PTPRN2: variants seen among roughly 807,000 people sequenced by gnomAD.
PTPRN2 encodes receptor-type tyrosine-protein phosphatase N2.
A neutral mutation model predicts 118.8 loss-of-function variants in PTPRN2; 74 were observed. That is an observed-to-expected ratio of 0.62 (90% confidence interval 0.52 to 0.76). The LOEUF (loss-of-function observed/expected upper bound fraction) is 0.76. PTPRN2 is among the 30% of genes least tolerant of loss of function. The pLI, the probability that PTPRN2 is intolerant of heterozygous loss-of-function variation, is 0.00. For missense variants in PTPRN2, 1,481 were observed against 1,394.4 expected (o/e 1.06, Z -0.99); for synonymous variants, 641 against 608.0 (o/e 1.05, Z -0.80).
chr7:158,070,342 C>G (rs114502842), intron 11 of PTPRN2, among the ~76,000 whole-genome samples: 7 of 123,852 alleles, frequency 5.7e-5, no homozygotes, highest in African/African-American at 2.1e-4. Context: ...TGGAGGTGCC[C>G]GTGGTGGTGG....
At chr7:158,193,176 G>A in intron 4 of PTPRN2, among the ~76,000 whole-genome samples, 1 of 152,230 alleles carries the variant, frequency 6.6e-6, no homozygotes, top group Non-Finnish European at 1.5e-5. Context: ...GCAGACACAT[G>A]TGGTGCCCAC....
chr7:158,374,677 A>G (rs1810365433), intron 2 of PTPRN2, among the ~76,000 whole-genome samples: 1 of 152,210 alleles, frequency 6.6e-6, no homozygotes, highest in African/African-American at 2.4e-5. Context: ...GCAAGTGGAC[A>G]GATGGAGGCT....
At chr7:157,577,677 G>T (rs1800129754) in intron 18 of PTPRN2, among the ~76,000 whole-genome samples, 1 of 152,192 alleles carries the variant, frequency 6.6e-6, no homozygotes, top group South Asian at 2.1e-4. Context: ...TGAGGCGAAT[G>T]TTTTTTCTAC....
chr7:157,801,330 G>T lies in PTPRN2; in HGVS notation c.1788+97343C>A, dbSNP rs1805286968. Among the ~76,000 whole-genome samples, 1 of 152,176 alleles carries T rather than the reference G, an allele frequency of 6.6e-6. No individual in the cohort carries two copies. Among genetic ancestry groups the T allele is most frequent in the Non-Finnish European group, 1.5e-5 (1 of 68,032 alleles). On this transcript the variant is annotated intron_variant, in intron 12 of 22. Transcript: ENST00000389418. This position sits in a 1 kb window ranked among gnomAD's most constrained non-coding sequence, Gnocchi z 4.2. ...CAACGGCGGTGAGGCAGGATGAACG[G>T]CCTCATCCACGGAGCACTGCTTTGC... is the stretch of plus-strand genomic sequence containing the variant.
intron 11 of PTPRN2, among the ~76,000 whole-genome samples, chr7:157,979,739 G>T (rs989141068): frequency 2.0e-5 from 3 of 152,226 alleles, no homozygotes; most frequent in Non-Finnish European, 4.4e-5. Flanking sequence ...GCCGCTGAAT[G>T]CCGGTCCTTG....
At chr7:158,449,179 C>T (rs755611111) in intron 2 of PTPRN2, among the ~76,000 whole-genome samples, 1 of 152,158 alleles carries the variant, frequency 6.6e-6, no homozygotes, top group Non-Finnish European at 1.5e-5. Flanking sequence ...CGTCAAAGTC[C>T]GTTTTCTCCC....
At chr7:158,335,034 C>T (rs1454562892) in intron 2 of PTPRN2, among the ~76,000 whole-genome samples, 3 of 11,262 alleles carry the variant, frequency 2.7e-4, no homozygotes, top group African/African-American at 6.0e-4. Context: ...CACCCGCAGA[C>T]GTCACTCACA....
chr7:157,775,291 C>T (rs1319726323), intron 12 of PTPRN2, among the ~76,000 whole-genome samples: 1 of 152,156 alleles, frequency 6.6e-6, no homozygotes, highest in Non-Finnish European at 1.5e-5. Flanking sequence ...CAGAAATCCA[C>T]AGGACCCCAG....
chr7:158,111,781 T>G (rs1469046525), intron 9 of PTPRN2, among the ~76,000 whole-genome samples: 1 of 151,790 alleles, frequency 6.6e-6, no homozygotes. Flanking sequence ...TGAATAGAAA[T>G]CAATCATGCT....
At position 158,365,836 on chromosome 7, in the gene PTPRN2, G is replaced by GCGCACACACA. The variant is rs1554480252; in HGVS notation, c.164-48905_164-48904insTGTGTGTGCG. Among the ~76,000 whole-genome samples the GCGCACACACA allele has an allele frequency of 2.0e-4, 3 of 14,740 alleles. 1 individual carries two copies. The East Asian group carries it at 0.027, about 132-fold the overall frequency. The allele number at this position is 14,740 out of a possible 152,430, so 9.7% of individuals were successfully genotyped here. ...AGAAGCCGCAGACCAGTGCATGCGT[G>GCGCACACACA]CACACACACACACCCACACACACAC... On this transcript the variant is annotated intron_variant, in intron 2 of 22. Coordinates refer to ENST00000389418, the MANE Select transcript of PTPRN2 (RefSeq NM_002847.5).
intron 12 of PTPRN2, among the ~76,000 whole-genome samples, chr7:157,802,077 C>CT (rs969728975): frequency 1.3e-5 from 2 of 152,180 alleles, no homozygotes; most frequent in African/African-American, 4.8e-5. Context: ...CTTCATGGGA[C>CT]TTCACTTCCG....
rs574801024 is a variant in PTPRN2 at position 158,098,270 on chromosome 7, G to C, written c.1643+12559C>G. ...GGCTTCAGCTCCGCAATGTGGGCAG[G>C]GGACCCGCAAAGGATCCTGCGGGTG... is the stretch of plus-strand genomic sequence containing the variant. On this transcript the variant is annotated intron_variant, in intron 10 of 22. Transcript: ENST00000389418. 1.5e-3 allele frequency among the ~76,000 whole-genome samples: 227 copies of C among 152,360 alleles called. 1 individual carries two copies. Among genetic ancestry groups the C allele is most frequent in the African/African-American group, 4.8e-3 (201 of 41,590 alleles).
intron 11 of PTPRN2, among the ~76,000 whole-genome samples, chr7:158,049,683 C>G (rs1265418742): frequency 6.6e-6 from 1 of 152,148 alleles, no homozygotes; most frequent in East Asian, 1.9e-4. Flanking sequence ...GGTGGATCAC[C>G]TGAGGTCAGG....
intron 3 of PTPRN2, among the ~76,000 whole-genome samples, chr7:158,277,025 C>A (rs967537716): frequency 2.0e-5 from 3 of 152,202 alleles, no homozygotes; most frequent in Admixed American, 2.0e-4. Flanking sequence ...ACTGGTCGGA[C>A]CCTGCAAGAT....
At chr7:157,746,352 C>T (rs1318689199) in intron 12 of PTPRN2, among the ~76,000 whole-genome samples, 1 of 151,648 alleles carries the variant, frequency 6.6e-6, no homozygotes, top group Non-Finnish European at 1.5e-5. Context: ...TCCCTACAAC[C>T]CACAGTCCTC....
chr7:158,211,077 G>A (rs919534355), intron 3 of PTPRN2, among the ~76,000 whole-genome samples: 6 of 152,150 alleles, frequency 3.9e-5, no homozygotes, highest in Admixed American at 6.5e-5. Flanking sequence ...CTGGGGATAG[G>A]ACAGTCTCTT....
At chr7:158,505,541 T>C (rs1822679830) in intron 1 of PTPRN2, among the ~76,000 whole-genome samples, 1 of 152,248 alleles carries the variant, frequency 6.6e-6, no homozygotes, top group Non-Finnish European at 1.5e-5. Flanking sequence ...TAAGGTTAAA[T>C]AACAATAGTT....
chr7:158,357,162 C>T (rs1808452598), intron 2 of PTPRN2, among the ~76,000 whole-genome samples: 1 of 152,210 alleles, frequency 6.6e-6, no homozygotes, highest in Non-Finnish European at 1.5e-5. Flanking sequence ...ATGATGTGAA[C>T]ACGGGGCTTG....
intron 11 of PTPRN2, among the ~76,000 whole-genome samples, chr7:157,968,260 T>C (rs1802080656): frequency 6.6e-6 from 1 of 151,998 alleles, no homozygotes; most frequent in South Asian, 2.1e-4. Flanking sequence ...AGGCCTTCTC[T>C]CCAAACCTTG....
Sources: gnomAD v4.1 joint callset for allele counts (sites outside exome capture counted in the v4.1 genomes callset) on GRCh38, gnomAD v4.1.1 for gene constraint, Gnocchi (gnomAD v3.1) non-coding constraint, MANE v1.5 for transcripts, NCBI Gene and HGNC (gene_info 2026-07-23, HGNC 2026-07-21) for gene names.